CRAT: variants seen among roughly 807,000 people sequenced by gnomAD.
CRAT encodes the protein carnitine acetylase.
Under a neutral mutation model 73.7 loss-of-function variants are expected in CRAT, and 66 were observed. The ratio of observed to expected loss-of-function variants is 0.90; its 90% CI spans 0.73 to 1.10. The LOEUF is 1.10. Among genes scored for constraint, CRAT ranks in the 50% least tolerant of loss-of-function variants. The pLI is 0.00. For synonymous variants in CRAT, 321 were observed against 343.2 expected, an observed-to-expected ratio of 0.94 and a Z score of 0.71; for missense variants, 745 against 846.9, an observed-to-expected ratio of 0.88 and a Z score of 1.49.
chr9:129,100,377 C>T (rs1160303261), intron 7 of CRAT, 134 bp downstream of exon 7: 1 of 1,133,402 alleles, frequency 8.8e-7, no homozygotes. Context: ...CGGCAGCGTC[C>T]AGCCTGCTGG....
intron 8 of CRAT, among the ~76,000 whole-genome samples, chr9:129,099,283 C>G (rs1018087950): frequency 2.0e-5 from 3 of 150,104 alleles, no homozygotes; most frequent in African/African-American, 7.4e-5. Flanking sequence ...GCTGGGATTA[C>G]AGGCACCCGC....
Position 129,103,196 on chromosome 9 carries a change from G to T in CRAT, c.411-130C>A, listed in dbSNP as rs571719573. 1.1e-5 allele frequency: 9 copies of T among 803,426 alleles called. No homozygotes were observed. In the East Asian group the frequency reaches 2.0e-4, roughly 18 times the overall value. 49.8% of individuals were successfully genotyped at this position (803,426 alleles called of 1,614,324 possible). Reference sequence around the variant, plus strand: ...CTCACCGCTTCCAGAAAGCCTGGGAGCGCAAGGGAGGGGCCTGCGAGTCCC... The same window carrying T: ...CTCACCGCTTCCAGAAAGCCTGGGATCGCAAGGGAGGGGCCTGCGAGTCCC... On this transcript the variant is annotated intron_variant, in intron 3 of 13. Coordinates refer to ENST00000318080, the MANE Select transcript of CRAT (RefSeq NM_000755.5). This position sits in a 1 kb window ranked among gnomAD's most constrained non-coding sequence, Gnocchi z 4.6.
Position 129,107,304 on chromosome 9 carries a change from T to G in CRAT, c.291+510A>C. ...GCCTTGGACTCCCAAAGTGCTGGGA[T>G]TATAGGTGTGAGTCACTGCATCCAG... On this transcript the variant is annotated intron_variant, in intron 2 of 13. Coordinates refer to ENST00000318080, the MANE Select transcript of CRAT (RefSeq NM_000755.5). The surrounding 1 kb of genome is among the most constrained non-coding windows in gnomAD (Gnocchi z 5.0). The G allele has an allele frequency of 1.8e-5, 6 of 337,470 alleles. No individual in the cohort carries two copies. Among genetic ancestry groups the G allele is most frequent in the East Asian group, 1.3e-4 (2 of 15,044 alleles). The allele number at this position is 337,470 out of a possible 1,614,324, so 20.9% of individuals were successfully genotyped here. A position where few individuals can be genotyped will look rare whatever the true frequency, so the allele number is the denominator to read the frequency against.
At position 129,104,266 on chromosome 9, in the gene CRAT, C is replaced by T. The variant is rs558760605; in HGVS notation, c.332G>A (p.Arg111His). 24 of 1,613,340 alleles carry T rather than the reference C, an allele frequency of 1.5e-5. No homozygotes were observed. In the African/African-American group the frequency reaches 2.1e-4, roughly 14 times the overall value. ...WWLKTAYLQY[R>H]QPVVIYSSPG... Reference sequence around the variant, plus strand: ...GCTCGAGTAGATGACCACAGGCTGGCGGTACTGGAGGTAGGCGGTCTTGAG... The same window carrying T: ...GCTCGAGTAGATGACCACAGGCTGGTGGTACTGGAGGTAGGCGGTCTTGAG... The change falls in exon 3 of 14, where the codon CGC becomes CAC. Residue 111 changes from arginine to histidine, a missense_variant. By Grantham distance (29) the Arg-to-His change is conservative. Transcript: ENST00000318080.
rs1331977999 is a variant in CRAT at position 129,107,771 on chromosome 9, T to C, written c.291+43A>G. On this transcript the variant is annotated intron_variant, in intron 2 of 13. Transcript: ENST00000318080. The surrounding 1 kb of genome is among the most constrained non-coding windows in gnomAD (Gnocchi z 5.0). ...GCAGTGGGCACTGGAGAACTGTGCA[T>C]GTGCAGCCAGCAGCAGGTCACAGTG... The C allele has an allele frequency of 1.2e-6, 2 of 1,612,934 alleles. No individual in the cohort carries two copies. The highest frequency in any genetic ancestry group is 1.7e-5 in the Admixed American group (1 of 60,004).
rs1158030066 is a variant in CRAT at position 129,103,301 on chromosome 9, A to C, written c.411-235T>G. ...AGGGCTCGGGGAAGTGCTGGTGGCC[A>C]AGGGCCTAGTAGGACTTGGGTGCTG... On this transcript the variant is annotated intron_variant, in intron 3 of 13. Transcript: ENST00000318080. The surrounding 1 kb of genome is among the most constrained non-coding windows in gnomAD (Gnocchi z 4.6). Among the ~76,000 whole-genome samples the C allele has an allele frequency of 6.6e-6, 1 of 152,258 alleles. No homozygotes were observed. Among genetic ancestry groups the C allele is most frequent in the East Asian group, 1.9e-4 (1 of 5,182 alleles).
In CRAT at chr9:129,098,145, G is replaced by A; in HGVS notation, c.1332C>T (p.Ile444=). The part of the protein sequence containing the change: ...QMALQLAYYR[I]YGQACATYES... Reference sequence around the variant, plus strand: ...CATAGGTGGCACATGCCTGTCCGTAGATCCTGGTGGGAAATGGGGCTAAGC... The same window carrying A: ...CATAGGTGGCACATGCCTGTCCGTAAATCCTGGTGGGAAATGGGGCTAAGC... The change falls in exon 11 of 14, where the codon ATC becomes ATT. Residue 444 remains isoleucine (I), a synonymous_variant. Coordinates refer to ENST00000318080, the MANE Select transcript of CRAT (RefSeq NM_000755.5). The A allele has an allele frequency of 6.2e-7, 1 of 1,613,794 alleles. No homozygotes were observed. Among genetic ancestry groups the A allele is most frequent in the Non-Finnish European group, 8.5e-7 (1 of 1,180,022 alleles).
Position 129,104,940 on chromosome 9 carries a change from C to T in CRAT, c.292-634G>A, listed in dbSNP as rs1363654413. 1.7e-4 allele frequency among the ~76,000 whole-genome samples: 21 copies of T among 121,776 alleles called. No individual in the cohort carries two copies. The South Asian group carries it at 3.8e-3, about 22-fold the overall frequency. The allele number at this position is 121,776 out of a possible 152,430, so 79.9% of individuals were successfully genotyped here. ...TTTTGAGACGGAGTCTCGCTCTGTC[C>T]CCCACGCTGGAGTGCAGTGGCATGA... is the stretch of plus-strand genomic sequence containing the variant. On this transcript the variant is annotated intron_variant, in intron 2 of 13. Coordinates refer to ENST00000318080, the MANE Select transcript of CRAT (RefSeq NM_000755.5).
chr9:129,109,545 C>G (rs560351282), intron 1 of CRAT, among the ~76,000 whole-genome samples: 10 of 152,200 alleles, frequency 6.6e-5, no homozygotes, highest in Non-Finnish European at 1.5e-4. Context: ...CTGGGCAAGT[C>G]CCTCCTTGCC....
chr9:129,108,450 T>C lies in CRAT; in HGVS notation c.28-373A>G, dbSNP rs182197161. 61 of 1,171,418 alleles carry C rather than the reference T, an allele frequency of 5.2e-5. No homozygotes were observed. The African/African-American group carries it at 9.4e-4, about 18-fold the overall frequency. The allele number at this position is 1,171,418 out of a possible 1,614,324, so 72.6% of individuals were successfully genotyped here. ...CCAGCAGAGTGGTGACTGTCCCTCT[T>C]GGAGGTCCCCACGTCCTTTTCTCCC... On this transcript the variant is annotated intron_variant, in intron 1 of 13. Transcript: ENST00000318080.
Position 129,103,459 on chromosome 9 carries a change from C to T in CRAT, c.411-393G>A, listed in dbSNP as rs1479813270. 3.3e-5 allele frequency among the ~76,000 whole-genome samples: 5 copies of T among 152,140 alleles called. No homozygotes were observed. The highest frequency in any genetic ancestry group is 7.4e-5 in the Non-Finnish European group (5 of 68,006). On this transcript the variant is annotated intron_variant, in intron 3 of 13. Transcript: ENST00000318080. The surrounding 1 kb of genome is among the most constrained non-coding windows in gnomAD (Gnocchi z 4.6). ...TGCTCTGAAGCATCGGTTCTGGAGG[C>T]CCCGGGCCCCTGGGGTGGTGTGATG...
chr9:129,098,751 G>T (rs1003044412), intron 8 of CRAT, 101 bp from the exon 9 acceptor site: 3 of 1,409,314 alleles, frequency 2.1e-6, no homozygotes, highest in African/African-American at 1.5e-5. Flanking sequence ...GCTGGAGGGG[G>T]CCAGCCCAGG....
At position 129,095,568 on chromosome 9, in the gene CRAT, G is replaced by A; in HGVS notation, c.1710C>T (p.Val570=). Residue 570 remains valine, a synonymous_variant, in exon 14 of 14, where the codon GTC becomes GTT. Transcript: ENST00000318080. ...TDCVMFFGPV[V]PDGYGVCYNP... ...TATAGCAGACACCGTAGCCGTCGGGGACCACGGGCCCGAAGAACATGACAC... is the reference window on the plus strand; with the variant it reads ...TATAGCAGACACCGTAGCCGTCGGGAACCACGGGCCCGAAGAACATGACAC... 4 of 1,613,354 alleles carry A rather than the reference G, an allele frequency of 2.5e-6. No individual in the cohort carries two copies. Among genetic ancestry groups the A allele is most frequent in the Non-Finnish European group, 3.4e-6 (4 of 1,179,994 alleles).
chr9:129,104,033 A>G (rs968141396), intron 3 of CRAT, among the ~76,000 whole-genome samples, 155 bp downstream of exon 3: 2 of 152,256 alleles, frequency 1.3e-5, no homozygotes, highest in African/African-American at 4.8e-5. Flanking sequence ...CCGAGCCTCA[A>G]TTTCCCCATT....
chr9:129,108,012 G>A lies in CRAT; in HGVS notation c.93C>T (p.His31=). The change falls in exon 2 of 14, where the codon CAC becomes CAT. Residue 31 remains histidine, a synonymous_variant. Coordinates refer to ENST00000318080, the MANE Select transcript of CRAT (RefSeq NM_000755.5). ...CGGGCAGCCGTGGCAGTGCATCCTG[G>A]TGTGCCTTGAAGCGGCTGGAAGCCT... is the stretch of plus-strand genomic sequence containing the variant. The part of the protein sequence containing the change: ...LMKASSRFKA[H]QDALPRLPVP... 1 of 1,582,578 alleles carries A rather than the reference G, an allele frequency of 6.3e-7. No individual in the cohort carries two copies. The highest frequency in any genetic ancestry group is 1.1e-5 in the South Asian group (1 of 87,100).
At chr9:129,095,889 T>G in intron 13 of CRAT, 109 bp downstream of exon 13, 1 of 1,478,396 alleles carries the variant, frequency 6.8e-7, no homozygotes, top group Non-Finnish European at 9.3e-7. Context: ...GCTCCTCCTC[T>G]GGAACTCAGC....
Position 129,109,189 on chromosome 9 carries a change from C to A in CRAT, c.28-1112G>T, listed in dbSNP as rs1027921270. The A allele has an allele frequency of 4.6e-6, 6 of 1,304,124 alleles. No homozygotes were observed. In the African/African-American group the frequency reaches 9.1e-5, roughly 20 times the overall value. The allele number at this position is 1,304,124 out of a possible 1,614,324, so 80.8% of individuals were successfully genotyped here. A position where few individuals can be genotyped will look rare whatever the true frequency, so the allele number is the denominator to read the frequency against. On this transcript the variant is annotated intron_variant, in intron 1 of 13. Coordinates refer to ENST00000318080, the MANE Select transcript of CRAT (RefSeq NM_000755.5). The stretch of plus-strand genomic sequence containing the variant: ...TAATAAAAAATCCACCTGTCAGAAT[C>A]TGCGAAGATCGTTTTGATGAGGGAA...
rs754702343 is a variant in CRAT, at chr9:129,095,512, A to C, written c.1766T>G (p.Leu589Arg). The C allele has an allele frequency of 1.9e-6, 3 of 1,613,482 alleles. No individual in the cohort carries two copies. Among genetic ancestry groups the C allele is most frequent in the Non-Finnish European group, 2.5e-6 (3 of 1,179,954 alleles). Residue 589 changes from leucine (L) to arginine (R), a missense_variant, in exon 14 of 14, where the codon CTG becomes CGG. Leu to Arg is a moderately radical substitution (Grantham distance 102). Transcript: ENST00000318080. Reference sequence around the variant, plus strand: ...CTCCGCGCAGCTGTTGTAGGCCGACAGGGAGAAGTTGATGTGGGCCTCCAT... The same window carrying C: ...CTCCGCGCAGCTGTTGTAGGCCGACCGGGAGAAGTTGATGTGGGCCTCCAT... ...NPMEAHINFS[L>R]SAYNSCAETN... is the part of the protein sequence containing the mutation.
intron 4 of CRAT, 137 bp downstream of exon 4, chr9:129,102,876 C>A: frequency 3.5e-6 from 3 of 862,858 alleles, no homozygotes; most frequent in South Asian, 1.4e-5. Context: ...GGTCACCCAC[C>A]AAGAGGAGAT....
Sources: gnomAD v4.1 joint callset for allele counts (sites outside exome capture counted in the v4.1 genomes callset) on GRCh38, gnomAD v4.1.1 for gene constraint, Gnocchi (gnomAD v3.1) non-coding constraint, MANE v1.5 for transcripts, NCBI Gene and HGNC (gene_info 2026-07-23, HGNC 2026-07-21) for gene names.